ROCK1: variants seen among roughly 807,000 people sequenced by gnomAD.
ROCK1 encodes the protein rho-associated protein kinase 1.
ROCK1 carries 36 observed loss-of-function variants against 196.8 expected under a neutral mutation model. The ratio of observed to expected loss-of-function variants is 0.18; its 90% CI spans 0.14 to 0.24. ROCK1 has a LOEUF of 0.24. Among genes scored for constraint, ROCK1 ranks in the 10% least tolerant of loss-of-function variants. The probability of loss-of-function intolerance (pLI) is 1.00; values close to 1 mark genes in which losing one functional copy is unlikely to be tolerated. For synonymous variants in ROCK1, 443 were observed against 515.9 expected (o/e 0.86, Z 1.91); for missense variants, 920 against 1,562.0 (o/e 0.59, Z 6.93).
intron 11 of ROCK1, among the ~76,000 whole-genome samples, chr18:21,023,063 G>C (rs955696752): frequency 1.3e-5 from 2 of 152,048 alleles, no homozygotes; most frequent in Non-Finnish European, 2.9e-5. Flanking sequence ...ACAGAAAGTA[G>C]AACAGTGGTT....
At chr18:21,001,027 T>C (rs868112517) in intron 16 of ROCK1, among the ~76,000 whole-genome samples, 2 of 152,346 alleles carry the variant, frequency 1.3e-5, no homozygotes, top group Non-Finnish European at 2.9e-5. Flanking sequence ...TTCTGTTATA[T>C]GTATATCATC....
At chr18:20,998,724 C>G (rs900742312) in intron 16 of ROCK1, among the ~76,000 whole-genome samples, 1 of 151,394 alleles carries the variant, frequency 6.6e-6, no homozygotes, top group Non-Finnish European at 1.5e-5. Context: ...CCTGCCTCAG[C>G]CTCCCGAGTA....
intron 1 of ROCK1, among the ~76,000 whole-genome samples, chr18:21,071,924 CAT>C (rs2036389266): frequency 6.6e-6 from 1 of 152,114 alleles, no homozygotes; most frequent in Non-Finnish European, 1.5e-5. Flanking sequence ...AATGAGTTAA[CAT>C]GTGAAGTGTC....
chr18:21,015,789 T>C (rs1218894718), intron 12 of ROCK1, among the ~76,000 whole-genome samples: 1 of 151,320 alleles, frequency 6.6e-6, no homozygotes, highest in Non-Finnish European at 1.5e-5. Context: ...TTGGCCAACA[T>C]GGTGAAACCC....
intron 16 of ROCK1, among the ~76,000 whole-genome samples, chr18:20,995,955 G>A (rs1265595080): frequency 6.6e-6 from 1 of 152,028 alleles, no homozygotes; most frequent in African/African-American, 2.4e-5. Context: ...GTACAAACAA[G>A]CCCAGACTGC....
At chr18:21,042,467 C>A in intron 7 of ROCK1, 98 bp downstream of exon 7, 2 of 1,302,814 alleles carry the variant, frequency 1.5e-6, no homozygotes, top group Non-Finnish European at 2.1e-6. Flanking sequence ...CAAATAAAAT[C>A]AAGATTGCTT....
chr18:20,982,892 TTC>T (rs2035546175), intron 20 of ROCK1, 60 bp from the exon 21 acceptor site: 2 of 737,540 alleles, frequency 2.7e-6, no homozygotes. Context: ...ACTTCATTTT[TTC>T]TTAGTTTGTT....
intron 22 of ROCK1, among the ~76,000 whole-genome samples, chr18:20,973,414 AC>A (rs2035448905): frequency 6.6e-6 from 1 of 151,968 alleles, no homozygotes; most frequent in Admixed American, 6.5e-5. Context: ...AGCAGCTGGG[AC>A]TACAGGCATG....
intron 29 of ROCK1, among the ~76,000 whole-genome samples, chr18:20,956,340 GTTA>G (rs1397965844): frequency 3.9e-5 from 6 of 152,086 alleles, no homozygotes; most frequent in South Asian, 2.1e-4. Flanking sequence ...TATGGAAATT[GTTA>G]TTATATTATA....
Position 21,045,317 on chromosome 18 carries a change from T to C in ROCK1, c.565A>G (p.Ile189Val), listed in dbSNP as rs190442965. 9 of 1,610,364 alleles carry C rather than the reference T, an allele frequency of 5.6e-6. No homozygotes were observed. The South Asian group carries it at 6.7e-5, about 12-fold the overall frequency. Residue 189 changes from isoleucine to valine, a missense_variant, in exon 5 of 33, where the codon ATC becomes GTC. Transcript: ENST00000399799. ...TAEVVLALDA[I>V]HSMGFIHRDV... ...CTGTGAATAAAACCCATGGAATGGA[T>C]TGCATCCAATGCAAGAACTACTTCT...
intron 4 of ROCK1, among the ~76,000 whole-genome samples, chr18:21,048,486 TAAG>T (rs1433012964): frequency 1.3e-5 from 2 of 152,114 alleles, no homozygotes; most frequent in African/African-American, 4.8e-5. Context: ...CTAAGTAGAT[TAAG>T]TTTTCTATAT....
chr18:20,987,245 T>C (rs1214760898), intron 18 of ROCK1, 135 bp from the exon 19 acceptor site: 10 of 703,910 alleles, frequency 1.4e-5, no homozygotes, highest in South Asian at 7.7e-5. Flanking sequence ...CTAGTAATTA[T>C]AGAAATTCTC....
Position 20,991,290 on chromosome 18 carries a change from G to C in ROCK1, c.2029C>G (p.Leu677Val). ...NNLEIDLNYK[L>V]KSLQQRLEQE... Reference sequence around the variant, plus strand: ...TCTAACCGTTGTTGTAATGATTTAAGTTTGTAGTTTAAATCTATCTCTAAA... The same window carrying C: ...TCTAACCGTTGTTGTAATGATTTAACTTTGTAGTTTAAATCTATCTCTAAA... Residue 677 changes from leucine (L) to valine (V), a missense_variant, in exon 18 of 33, where the codon CTT (leucine) becomes GTT (valine). This residue lies in a region of ROCK1 where 520 missense variants were observed against 657.1 expected (regional missense o/e 0.79). Transcript: ENST00000399799. 1 of 1,602,696 alleles carries C rather than the reference G, an allele frequency of 6.2e-7. No homozygotes were observed. The highest frequency in any genetic ancestry group is 1.1e-5 in the South Asian group (1 of 89,742).
intron 9 of ROCK1, among the ~76,000 whole-genome samples, chr18:21,033,977 T>G (rs2036034544): frequency 7.5e-6 from 1 of 133,856 alleles, no homozygotes; most frequent in African/African-American, 2.9e-5. Context: ...GAGCTTGCCG[T>G]GAGCCGAGAT....
chr18:21,044,016 C>A (rs2036133934), intron 6 of ROCK1, 86 bp downstream of exon 6: 5 of 791,266 alleles, frequency 6.3e-6, no homozygotes, highest in Non-Finnish European at 8.3e-6. Flanking sequence ...ATTCTTACAC[C>A]ATTTTCTAAA....
intron 27 of ROCK1, among the ~76,000 whole-genome samples, chr18:20,961,446 T>A (rs746901173): frequency 6.6e-6 from 1 of 152,186 alleles, no homozygotes; most frequent in Non-Finnish European, 1.5e-5. Flanking sequence ...CAGGATATTA[T>A]ATTCCGAGGA....
intron 22 of ROCK1, among the ~76,000 whole-genome samples, chr18:20,973,178 G>T (rs1353871283): frequency 6.6e-6 from 1 of 151,774 alleles, no homozygotes; most frequent in African/African-American, 2.4e-5. Flanking sequence ...CACGCCCGGT[G>T]TAAGAGGGTT....
chr18:21,109,237 G>A (rs1261554083), intron 1 of ROCK1, among the ~76,000 whole-genome samples: 1 of 152,052 alleles, frequency 6.6e-6, no homozygotes, highest in Non-Finnish European at 1.5e-5. Context: ...TAAATAGATT[G>A]GACTCTCAGG....
chr18:21,042,336 G>GT, intron 7 of ROCK1, 101 bp from the exon 8 acceptor site: 2 of 1,143,586 alleles, frequency 1.7e-6, no homozygotes, highest in Non-Finnish European at 2.4e-6. Flanking sequence ...AGATTATTAG[G>GT]TATGTATTAA....
Sources: allele counts gnomAD v4.1 joint callset (sites outside exome capture counted in the v4.1 genomes callset), GRCh38; gene constraint gnomAD v4.1.1; regional missense constraint gnomAD v4.1.1; transcripts MANE v1.5; gene names NCBI Gene and HGNC (gene_info 2026-07-23, HGNC 2026-07-21).